SLC35F1: variants seen among roughly 807,000 people sequenced by gnomAD.
SLC35F1 encodes the protein solute carrier family 35 member F1.
In SLC35F1, 14 loss-of-function variants were observed where a neutral mutation model predicts 48.7. The observed-to-expected ratio is 0.29, with a 90% confidence interval of 0.19 to 0.45. The LOEUF is 0.45. Ranked by LOEUF, SLC35F1 falls within the 20% of genes least tolerant of loss-of-function variation. The pLI is 1.00. For synonymous variants in SLC35F1, 190 were observed against 202.2 expected, an observed-to-expected ratio of 0.94 and a Z score of 0.51; for missense variants, 404 against 500.0, an observed-to-expected ratio of 0.81 and a Z score of 1.83.
chr6:118,015,005 G>A (rs1390580445), intron 1 of SLC35F1, among the ~76,000 whole-genome samples: 1 of 152,188 alleles, frequency 6.6e-6, no homozygotes, highest in Non-Finnish European at 1.5e-5. Context: ...CACAGGGGCA[G>A]TTCCCCCATA....
At chr6:118,073,141 G>A (rs9374711) in intron 1 of SLC35F1, among the ~76,000 whole-genome samples, 25,984 of 152,160 alleles carry the variant, frequency 0.17, 2,620 homozygotes, top group East Asian at 0.29. Context: ...GCTCTAGAAG[G>A]AGGGAGATGC....
At chr6:118,174,778 A>C (rs1269677072) in intron 2 of SLC35F1, among the ~76,000 whole-genome samples, 1 of 152,158 alleles carries the variant, frequency 6.6e-6, no homozygotes, top group Non-Finnish European at 1.5e-5. Flanking sequence ...AAAAAGAAAA[A>C]GAAAACCTTG....
At chr6:118,159,867 C>CCATG (rs1774203745) in intron 2 of SLC35F1, among the ~76,000 whole-genome samples, 1 of 152,116 alleles carries the variant, frequency 6.6e-6, no homozygotes, top group Admixed American at 6.5e-5. Context: ...TAATAGATAC[C>CCATG]CATGATTCCT....
intron 1 of SLC35F1, among the ~76,000 whole-genome samples, chr6:118,109,648 T>G: frequency 7.0e-6 from 1 of 142,712 alleles, no homozygotes. Context: ...AACAAACATT[T>G]GCTGGAAAAA....
chr6:118,076,530 C>T (rs536322540), intron 1 of SLC35F1, among the ~76,000 whole-genome samples: 11 of 152,142 alleles, frequency 7.2e-5, no homozygotes, highest in East Asian at 1.9e-4. Flanking sequence ...ACGAGAGAGA[C>T]GGAGAGAGAA....
At chr6:117,937,746 A>G (rs1447547531) in intron 1 of SLC35F1, among the ~76,000 whole-genome samples, 1 of 152,138 alleles carries the variant, frequency 6.6e-6, no homozygotes, top group Admixed American at 6.5e-5. Flanking sequence ...CTGGGCAAAA[A>G]CACAAGGTCC....
chr6:118,197,370 TA>T (rs1037617232), intron 2 of SLC35F1, among the ~76,000 whole-genome samples: 1 of 152,126 alleles, frequency 6.6e-6, no homozygotes, highest in Non-Finnish European at 1.5e-5. Context: ...GTTTTTCTCT[TA>T]AAAAAACTCA....
intron 1 of SLC35F1, among the ~76,000 whole-genome samples, chr6:117,919,721 TA>T (rs545359470): frequency 9.1e-4 from 138 of 152,316 alleles, no homozygotes; most frequent in South Asian, 5.2e-3. Flanking sequence ...TAACAGAAAG[TA>T]AAAATGCATA....
chr6:118,289,890 C>A lies in SLC35F1; in HGVS notation c.1002+4552C>A, dbSNP rs1488387176. 2.0e-5 allele frequency among the ~76,000 whole-genome samples: 3 copies of A among 152,314 alleles called. No individual in the cohort carries two copies. In the East Asian group the frequency reaches 5.8e-4, roughly 29 times the overall value. On this transcript the variant is annotated intron_variant, in intron 7 of 7. Transcript: ENST00000360388. ...ATCTGTACTATTATTTTAATGGCTA[C>A]ACAGCATGCCACAAAATGGTTATAC...
intron 2 of SLC35F1, among the ~76,000 whole-genome samples, chr6:118,207,681 G>A (rs966882984): frequency 6.6e-6 from 1 of 152,140 alleles, no homozygotes; most frequent in African/African-American, 2.4e-5. Flanking sequence ...AATAAACACT[G>A]AAGCAGTTTT....
intron 1 of SLC35F1, among the ~76,000 whole-genome samples, chr6:118,068,459 A>G (rs1190172493): frequency 1.3e-5 from 2 of 152,218 alleles, no homozygotes; most frequent in African/African-American, 4.8e-5. Flanking sequence ...AGAAGTCTCA[A>G]TCAACTCTCC....
At chr6:118,107,672 T>C (rs1436444499) in intron 1 of SLC35F1, among the ~76,000 whole-genome samples, 3 of 152,120 alleles carry the variant, frequency 2.0e-5, no homozygotes, top group African/African-American at 7.2e-5. Flanking sequence ...AAAATAATAC[T>C]GTCCACTTTT....
intron 2 of SLC35F1, among the ~76,000 whole-genome samples, chr6:118,203,725 A>G (rs1230975232): frequency 6.6e-6 from 1 of 152,198 alleles, no homozygotes; most frequent in African/African-American, 2.4e-5. Flanking sequence ...CTCCTCACTG[A>G]ATATCCATGT....
At chr6:117,961,510 G>T (rs1260294108) in intron 1 of SLC35F1, among the ~76,000 whole-genome samples, 1 of 152,128 alleles carries the variant, frequency 6.6e-6, no homozygotes, top group Non-Finnish European at 1.5e-5. Flanking sequence ...TAGAAGGGAA[G>T]TGATTTCCAG....
chr6:118,007,127 A>G (rs1416663813), intron 1 of SLC35F1, among the ~76,000 whole-genome samples: 2 of 151,948 alleles, frequency 1.3e-5, no homozygotes, highest in African/African-American at 4.8e-5. Flanking sequence ...ATCTCTTGTA[A>G]TTATGGAGGC....
intron 1 of SLC35F1, among the ~76,000 whole-genome samples, chr6:117,977,270 C>T (rs1048564786): frequency 1.3e-5 from 2 of 151,560 alleles, no homozygotes; most frequent in Non-Finnish European, 2.9e-5. Context: ...GATCTCGGCC[C>T]ACTGCAACCT....
chr6:118,299,225 A>G (rs1270426653), intron 7 of SLC35F1, among the ~76,000 whole-genome samples: 5 of 152,224 alleles, frequency 3.3e-5, no homozygotes, highest in Non-Finnish European at 4.4e-5. Context: ...AGTCGCATGC[A>G]TACTTTCATA....
chr6:118,056,350 A>G (rs1226939363), intron 1 of SLC35F1, among the ~76,000 whole-genome samples: 1 of 152,194 alleles, frequency 6.6e-6, no homozygotes, highest in African/African-American at 2.4e-5. Flanking sequence ...TAAGAATTAA[A>G]TCCTGACATA....
chr6:118,054,056 G>C (rs1772428861), intron 1 of SLC35F1, among the ~76,000 whole-genome samples: 1 of 152,054 alleles, frequency 6.6e-6, no homozygotes, highest in African/African-American at 2.4e-5. Flanking sequence ...TTTGATAATT[G>C]GTAAGGCTGA....
Sources: allele counts gnomAD v4.1 joint callset (sites outside exome capture counted in the v4.1 genomes callset), GRCh38; gene constraint gnomAD v4.1.1; transcripts MANE v1.5; gene names NCBI Gene and HGNC (gene_info 2026-07-23, HGNC 2026-07-21).